The following IL1RAPL2 variants were observed in gnomAD, a reference collection of about 807,000 sequenced individuals.
The protein encoded by IL1RAPL2 is interleukin 1 receptor accessory protein like 2.
In IL1RAPL2, 3 loss-of-function variants were observed where a neutral mutation model predicts 44.1. The observed-to-expected ratio is 0.07, with a 90% confidence interval of 0.03 to 0.18. The LOEUF is 0.18. Ranked by LOEUF, IL1RAPL2 falls within the 10% of genes least tolerant of loss-of-function variation. The probability of loss-of-function intolerance (pLI) is 1.00; values close to 1 mark genes in which losing one functional copy is unlikely to be tolerated. For missense variants in IL1RAPL2, 391 were observed against 496.4 expected, an observed-to-expected ratio of 0.79 and a Z score of 2.02; for synonymous variants, 181 against 178.8, an observed-to-expected ratio of 1.01 and a Z score of -0.10.
intron 2 of IL1RAPL2, among the ~76,000 whole-genome samples, chrX:104,927,322 A>G (rs1421808302): frequency 9.0e-6 from 1 of 111,188 alleles, no homozygotes; most frequent in Non-Finnish European, 1.9e-5. Flanking sequence ...CTTTTTTTCA[A>G]TTATAGGATT....
intron 1 of IL1RAPL2, among the ~76,000 whole-genome samples, chrX:104,570,279 A>G (rs1473682067): frequency 8.9e-6 from 1 of 112,060 alleles, no homozygotes; most frequent in African/African-American, 3.2e-5. Context: ...AGAGAAAGGT[A>G]AATGTGGAAT....
intron 6 of IL1RAPL2, among the ~76,000 whole-genome samples, chrX:105,521,628 C>T (rs1012468233): frequency 3.6e-5 from 4 of 111,641 alleles, no homozygotes; most frequent in Admixed American, 1.9e-4. Context: ...ATCATGGGGG[C>T]TTCCCCCTTT....
intron 2 of IL1RAPL2, among the ~76,000 whole-genome samples, chrX:104,677,701 T>TGCC (rs1843236916): frequency 8.9e-6 from 1 of 112,158 alleles, no homozygotes; most frequent in Non-Finnish European, 1.9e-5. Flanking sequence ...CCAGCCTCGC[T>TGCC]GCCGCCTTGC....
chrX:105,123,585 T>A (rs1481530981), intron 2 of IL1RAPL2, among the ~76,000 whole-genome samples: 1 of 111,561 alleles, frequency 9.0e-6, no homozygotes, highest in Non-Finnish European at 1.9e-5. Flanking sequence ...AGATTGATGA[T>A]CTGAGATGTA....
intron 2 of IL1RAPL2, among the ~76,000 whole-genome samples, chrX:104,849,021 T>C (rs1026459180): frequency 2.7e-5 from 3 of 110,365 alleles, no homozygotes; most frequent in Non-Finnish European, 3.8e-5. Context: ...ATTATTTATT[T>C]ATTTGAGACA....
At chrX:104,927,615 A>G (rs1924803329) in intron 2 of IL1RAPL2, among the ~76,000 whole-genome samples, 1 of 111,925 alleles carries the variant, frequency 8.9e-6, no homozygotes, top group African/African-American at 3.2e-5. Flanking sequence ...TGACAATATT[A>G]TACGAAATCT....
chrX:105,293,267 TG>T (rs2034629066), intron 5 of IL1RAPL2, among the ~76,000 whole-genome samples: 1 of 112,068 alleles, frequency 8.9e-6, no homozygotes, highest in African/African-American at 3.2e-5. Flanking sequence ...ACATAGGCAG[TG>T]TTCGTGCAAC....
At chrX:104,962,516 T>G (rs2030028197) in intron 2 of IL1RAPL2, among the ~76,000 whole-genome samples, 1 of 111,976 alleles carries the variant, frequency 8.9e-6, no homozygotes, top group Non-Finnish European at 1.9e-5. Flanking sequence ...CAAAGGCCAT[T>G]TAGTGCGTAG....
chrX:104,749,532 T>G (rs1460857013), intron 2 of IL1RAPL2, among the ~76,000 whole-genome samples: 1 of 112,115 alleles, frequency 8.9e-6, no homozygotes, highest in Non-Finnish European at 1.9e-5. Context: ...ATACATGTAA[T>G]TATCTTTCAT....
chrX:104,834,034 C>T (rs1205440198), intron 2 of IL1RAPL2, among the ~76,000 whole-genome samples: 1 of 111,348 alleles, frequency 9.0e-6, no homozygotes. Flanking sequence ...ACAAAGGAAC[C>T]ACTAATCTTT....
At chrX:105,267,683 A>T in intron 5 of IL1RAPL2, 142 bp downstream of exon 5, 2 of 479,092 alleles carry the variant, frequency 4.2e-6, no homozygotes, top group South Asian at 7.4e-5. Flanking sequence ...CTTGCTATTA[A>T]TAAGTTGTAC....
At chrX:104,705,968 A>G (rs1210269667) in intron 2 of IL1RAPL2, among the ~76,000 whole-genome samples, 3 of 112,128 alleles carry the variant, frequency 2.7e-5, no homozygotes, top group Non-Finnish European at 5.6e-5. Context: ...TCAAGTGTAA[A>G]ATTCTATAAA....
chrX:105,330,893 C>T (rs2034981005), intron 5 of IL1RAPL2, among the ~76,000 whole-genome samples: 1 of 111,493 alleles, frequency 9.0e-6, no homozygotes, highest in Non-Finnish European at 1.9e-5. Flanking sequence ...ACATTGCAAC[C>T]AGAAATACCT....
intron 5 of IL1RAPL2, among the ~76,000 whole-genome samples, chrX:105,355,032 A>G (rs890961526): frequency 3.6e-5 from 4 of 111,424 alleles, no homozygotes; most frequent in African/African-American, 1.3e-4. Context: ...TCCCCAATTT[A>G]TCCTGTATAT....
At chrX:104,976,920 A>G (rs183735327) in intron 2 of IL1RAPL2, among the ~76,000 whole-genome samples, 1 of 109,857 alleles carries the variant, frequency 9.1e-6, no homozygotes, top group Non-Finnish European at 1.9e-5. Flanking sequence ...AAAAGACTGC[A>G]AACAAAACAT....
intron 2 of IL1RAPL2, among the ~76,000 whole-genome samples, chrX:104,786,984 G>A (rs891149315): frequency 7.7e-5 from 5 of 65,358 alleles, no homozygotes; most frequent in Middle Eastern, 0.012. Flanking sequence ...TCTCTCTCTC[G>A]TATCCCTATG....
At chrX:104,805,435 T>C (rs1932915780) in intron 2 of IL1RAPL2, among the ~76,000 whole-genome samples, 1 of 112,177 alleles carries the variant, frequency 8.9e-6, no homozygotes, top group South Asian at 3.7e-4. Flanking sequence ...GTAATTTATC[T>C]TTCTGTCCCA....
At chrX:104,651,042 C>A (rs765551116) in intron 1 of IL1RAPL2, among the ~76,000 whole-genome samples, 45 of 112,050 alleles carry the variant, frequency 4.0e-4, no homozygotes, top group Admixed American at 1.2e-3. Context: ...GTCTGGCCCA[C>A]ACAAAGTGCT....
intron 2 of IL1RAPL2, among the ~76,000 whole-genome samples, chrX:104,819,192 C>A (rs980052665): frequency 1.8e-5 from 2 of 112,188 alleles, no homozygotes; most frequent in East Asian, 2.8e-4. Context: ...ATAAACCAAT[C>A]GTAAATTGAA....
Sources: allele counts gnomAD v4.1 joint callset (sites outside exome capture counted in the v4.1 genomes callset), GRCh38; gene constraint gnomAD v4.1.1; transcripts MANE v1.5; gene names NCBI Gene and HGNC (gene_info 2026-07-23, HGNC 2026-07-21).